NDST3: variants seen among roughly 807,000 people sequenced by gnomAD.
NDST3 encodes bifunctional heparan sulfate N-deacetylase/N-sulfotransferase 3.
A neutral mutation model predicts 96.1 loss-of-function variants in NDST3; 58 were observed. The ratio of observed to expected loss-of-function variants is 0.60; its 90% confidence interval spans 0.49 to 0.75. NDST3 has a LOEUF of 0.75. NDST3 is among the 30% of genes least tolerant of loss of function. The pLI is 0.00. For synonymous variants in NDST3, 333 were observed against 359.7 expected, an observed-to-expected ratio of 0.93 and a Z score of 0.84; for missense variants, 788 against 1,034.2, an observed-to-expected ratio of 0.76 and a Z score of 3.27.
At chr4:118,120,774 C>T (rs1015246545) in intron 4 of NDST3, among the ~76,000 whole-genome samples, 36 of 152,170 alleles carry the variant, frequency 2.4e-4, no homozygotes, top group African/African-American at 8.2e-4. Flanking sequence ...ACCATCCCAG[C>T]TGTCATATTC....
chr4:118,187,305 A>T (rs1737026628), intron 6 of NDST3, among the ~76,000 whole-genome samples: 1 of 152,246 alleles, frequency 6.6e-6, no homozygotes, highest in Admixed American at 6.5e-5. Context: ...GAGCTTTTGC[A>T]GTAGAATCTG....
intron 2 of NDST3, among the ~76,000 whole-genome samples, chr4:118,097,006 C>G (rs575452274): frequency 2.6e-5 from 4 of 152,068 alleles, no homozygotes; most frequent in South Asian, 2.1e-4. Context: ...AATAGTCAGT[C>G]TTTTTGTTCT....
At chr4:118,210,877 C>A (rs950671054) in intron 6 of NDST3, among the ~76,000 whole-genome samples, 3 of 151,968 alleles carry the variant, frequency 2.0e-5, no homozygotes, top group Admixed American at 6.6e-5. Flanking sequence ...TGATGGGGCC[C>A]AGAAGTGATG....
At chr4:118,220,697 T>C (rs17049676) in intron 6 of NDST3, among the ~76,000 whole-genome samples, 4,642 of 152,070 alleles carry the variant, frequency 0.031, 107 homozygotes, top group African/African-American at 0.055. Flanking sequence ...TTTTTAGCAA[T>C]CTTCTGAACA....
At chr4:118,052,936 T>C (rs1162427998) in intron 1 of NDST3, among the ~76,000 whole-genome samples, 1 of 152,068 alleles carries the variant, frequency 6.6e-6, no homozygotes, top group Admixed American at 6.6e-5. Flanking sequence ...TTGTTTTCAT[T>C]ACATTTTTAA....
chr4:118,168,447 A>G (rs1475754639), intron 6 of NDST3, among the ~76,000 whole-genome samples: 1 of 152,032 alleles, frequency 6.6e-6, no homozygotes, highest in African/African-American at 2.4e-5. Context: ...CATACATACA[A>G]AAGTCACTAA....
At chr4:118,128,515 C>T (rs1256732418) in intron 4 of NDST3, among the ~76,000 whole-genome samples, 1 of 151,916 alleles carries the variant, frequency 6.6e-6, no homozygotes, top group East Asian at 1.9e-4. Flanking sequence ...TTGAACCATC[C>T]TCACATCCCA....
intron 6 of NDST3, among the ~76,000 whole-genome samples, chr4:118,203,132 T>C (rs765961315): frequency 6.6e-6 from 1 of 152,234 alleles, no homozygotes; most frequent in Non-Finnish European, 1.5e-5. Context: ...TTTGCATATG[T>C]TGAACCAGCC....
At chr4:118,252,936 T>C (rs1741849163) in intron 12 of NDST3, among the ~76,000 whole-genome samples, 1 of 152,098 alleles carries the variant, frequency 6.6e-6, no homozygotes, top group Admixed American at 6.6e-5. Context: ...GTAGGTGCTA[T>C]TACTTTAATA....
rs368279663 is a variant in NDST3, at chr4:118,190,146, A to G, written c.1540-34345A>G. Among the ~76,000 whole-genome samples the G allele has an allele frequency of 1.2e-4, 19 of 152,122 alleles. 1 individual carries two copies. In the East Asian group the frequency reaches 3.7e-3, roughly 29 times the overall value. On this transcript the variant is annotated intron_variant, in intron 6 of 13. Coordinates refer to ENST00000296499, the MANE Select transcript of NDST3 (RefSeq NM_004784.3). The stretch of plus-strand genomic sequence containing the variant: ...CATATCTAGTAGTAGTAATATAATT[A>G]TATATAAACTCTAATTTAACTATTA...
At chr4:118,186,473 G>A (rs1167178053) in intron 6 of NDST3, among the ~76,000 whole-genome samples, 1 of 152,164 alleles carries the variant, frequency 6.6e-6, no homozygotes, top group Non-Finnish European at 1.5e-5. Context: ...GAAGGACTTG[G>A]AGTCTAATGT....
chr4:118,051,518 G>A (rs551109196), intron 1 of NDST3, among the ~76,000 whole-genome samples: 2 of 152,070 alleles, frequency 1.3e-5, no homozygotes, highest in East Asian at 3.9e-4. Flanking sequence ...TCCAACAAAG[G>A]TCTAATATCC....
intron 6 of NDST3, among the ~76,000 whole-genome samples, chr4:118,163,650 T>G (rs2125928681): frequency 6.6e-6 from 1 of 152,168 alleles, no homozygotes; most frequent in Non-Finnish European, 1.5e-5. Context: ...TACCTAATGC[T>G]AAATGATGAG....
At chr4:118,125,599 A>C (rs2125880304) in intron 4 of NDST3, among the ~76,000 whole-genome samples, 1 of 152,210 alleles carries the variant, frequency 6.6e-6, no homozygotes, top group South Asian at 2.1e-4. Context: ...TTCATGGATT[A>C]AAAATAGTAC....
chr4:118,212,346 C>G (rs755839660), intron 6 of NDST3, among the ~76,000 whole-genome samples: 1 of 152,224 alleles, frequency 6.6e-6, no homozygotes, highest in Non-Finnish European at 1.5e-5. Flanking sequence ...TGAGACCAGC[C>G]TGAGCAACAT....
At chr4:118,239,954 A>G (rs920614294) in intron 10 of NDST3, among the ~76,000 whole-genome samples, 5 of 152,178 alleles carry the variant, frequency 3.3e-5, no homozygotes, top group African/African-American at 1.2e-4. Context: ...CGCAAAGGTT[A>G]CCATTAGATA....
intron 6 of NDST3, chr4:118,194,684 A>C: frequency 3.3e-6 from 2 of 614,276 alleles, no homozygotes; most frequent in Non-Finnish European, 3.0e-6. Context: ...GCGAATGTCC[A>C]CTCCCTCCAT....
At chr4:118,154,868 A>G (rs985313013) in intron 6 of NDST3, among the ~76,000 whole-genome samples, 1 of 152,288 alleles carries the variant, frequency 6.6e-6, no homozygotes, top group Non-Finnish European at 1.5e-5. Context: ...TGAGTCAGTG[A>G]CCTGGTACTG....
intron 6 of NDST3, among the ~76,000 whole-genome samples, chr4:118,214,427 T>G (rs1739057390): frequency 6.6e-6 from 1 of 152,158 alleles, no homozygotes; most frequent in Non-Finnish European, 1.5e-5. Context: ...CATTAATAAT[T>G]TTTATGTTGA....
Sources: allele counts gnomAD v4.1 joint callset (sites outside exome capture counted in the v4.1 genomes callset), GRCh38; gene constraint gnomAD v4.1.1; transcripts MANE v1.5; gene names NCBI Gene and HGNC (gene_info 2026-07-23, HGNC 2026-07-21).